Variants in KIAA0232 observed in about 807,000 individuals in gnomAD.
The protein encoded by KIAA0232 is uncharacterized protein KIAA0232.
Under a neutral mutation model 122.0 loss-of-function variants are expected in KIAA0232, and 27 were observed. The observed-to-expected ratio is 0.22, with a 90% CI of 0.16 to 0.31. The LOEUF is 0.31. KIAA0232 is among the 10% of genes least tolerant of loss of function. The probability of loss-of-function intolerance (pLI) is 1.00; values close to 1 mark genes in which losing one functional copy is unlikely to be tolerated. For synonymous variants in KIAA0232, 613 were observed against 587.6 expected (o/e 1.04, Z -0.63); for missense variants, 1,551 against 1,634.2 (o/e 0.95, Z 0.88).
At chr4:6,873,910 CACTT>C (rs1174693239) in intron 8 of KIAA0232, among the ~76,000 whole-genome samples, 1 of 152,128 alleles carries the variant, frequency 6.6e-6, no homozygotes, top group Non-Finnish European at 1.5e-5. Flanking sequence ...AACAGGTAGT[CACTT>C]ACCTACTCAG....
intron 1 of KIAA0232, among the ~76,000 whole-genome samples, chr4:6,791,343 T>TTG (rs1560158977): frequency 2.2e-5 from 3 of 134,466 alleles, no homozygotes; most frequent in Non-Finnish European, 4.7e-5. Flanking sequence ...TTTTTTTTTT[T>TTG]GAGACAGGGT....
intron 2 of KIAA0232, among the ~76,000 whole-genome samples, chr4:6,816,989 A>T (rs1718161298): frequency 6.6e-6 from 1 of 151,848 alleles, no homozygotes; most frequent in Non-Finnish European, 1.5e-5. Flanking sequence ...CTCTTTCCTG[A>T]TCAGTCTGGC....
chr4:6,875,585 C>T (rs752707976), intron 8 of KIAA0232, among the ~76,000 whole-genome samples: 2 of 152,136 alleles, frequency 1.3e-5, no homozygotes, highest in Non-Finnish European at 2.9e-5. Context: ...GGTAGAAGGG[C>T]GCAGCAGTCA....
intron 4 of KIAA0232, among the ~76,000 whole-genome samples, chr4:6,847,941 A>G (rs1008037907): frequency 6.6e-6 from 1 of 152,030 alleles, no homozygotes; most frequent in Non-Finnish European, 1.5e-5. Context: ...TTTATCTCCC[A>G]CTTTGAGGAT....
At chr4:6,876,841 CAT>C (rs1039998573) in intron 9 of KIAA0232, 84 bp downstream of exon 9, 13 of 921,850 alleles carry the variant, frequency 1.4e-5, no homozygotes, top group Non-Finnish European at 2.3e-5. Flanking sequence ...ACCTGGGAGT[CAT>C]GTGAGTGGAC....
intron 2 of KIAA0232, among the ~76,000 whole-genome samples, chr4:6,822,123 A>G (rs1297424657): frequency 6.6e-6 from 1 of 152,056 alleles, no homozygotes; most frequent in East Asian, 1.9e-4. Context: ...TATTTAATTG[A>G]CAATATCTCT....
chr4:6,792,730 C>T (rs538149524), intron 1 of KIAA0232, among the ~76,000 whole-genome samples: 2 of 142,284 alleles, frequency 1.4e-5, no homozygotes, highest in South Asian at 4.4e-4. Flanking sequence ...CACTCTGTTG[C>T]CCAGGCTGTA....
intron 4 of KIAA0232, among the ~76,000 whole-genome samples, chr4:6,845,445 G>A (rs559694148): frequency 6.1e-4 from 93 of 152,216 alleles, no homozygotes; most frequent in African/African-American, 2.0e-3. Flanking sequence ...ATCCTCCCGC[G>A]TCGGCCTCTC....
At chr4:6,813,597 T>C (rs547963931) in intron 2 of KIAA0232, among the ~76,000 whole-genome samples, 31 of 151,968 alleles carry the variant, frequency 2.0e-4, no homozygotes, top group Admixed American at 9.8e-4. Flanking sequence ...CTCCTGACCT[T>C]GTGATCCGCC....
intron 8 of KIAA0232, among the ~76,000 whole-genome samples, chr4:6,873,865 G>A (rs1721620673): frequency 6.6e-6 from 1 of 152,172 alleles, no homozygotes; most frequent in Non-Finnish European, 1.5e-5. Context: ...GCTTATGTGG[G>A]TTGGGGCATT....
intron 8 of KIAA0232, 53 bp downstream of exon 8, chr4:6,871,735 G>A: frequency 2.7e-6 from 3 of 1,103,484 alleles, no homozygotes; most frequent in Non-Finnish European, 2.7e-6. Context: ...AATTTGTTAA[G>A]AGCAATAATT....
rs771930576 is a variant in KIAA0232 at position 6,858,418 on chromosome 4, A to G, written c.437-7A>G. On this transcript the variant is annotated splice_polypyrimidine_tract_variant and splice_region_variant and intron_variant, in intron 5 of 9. Coordinates refer to ENST00000307659, the MANE Select transcript of KIAA0232 (RefSeq NM_014743.3). Reference sequence around the variant, plus strand: ...ACAAATCTTTCTTAATTTTTGTTTCATAACAGAAGAGAAGATTCACAAAAA... The same window carrying G: ...ACAAATCTTTCTTAATTTTTGTTTCGTAACAGAAGAGAAGATTCACAAAAA... 1.3e-6 allele frequency: 2 copies of G among 1,563,574 alleles called. No homozygotes were observed. Among genetic ancestry groups the G allele is most frequent in the South Asian group, 1.2e-5 (1 of 85,486 alleles).
intron 1 of KIAA0232, among the ~76,000 whole-genome samples, chr4:6,786,661 G>GT (rs1179059609): frequency 6.6e-6 from 1 of 152,114 alleles, no homozygotes; most frequent in African/African-American, 2.4e-5. Flanking sequence ...TAGAAATGTA[G>GT]TTTTACTATG....
intron 1 of KIAA0232, among the ~76,000 whole-genome samples, chr4:6,785,723 C>A (rs1047846170): frequency 6.6e-6 from 1 of 152,180 alleles, no homozygotes; most frequent in African/African-American, 2.4e-5. Context: ...TCTAAGACTG[C>A]CTGTGGTTTG....
Position 6,787,231 on chromosome 4 carries a change from C to G in KIAA0232, c.-354+4390C>G, listed in dbSNP as rs963880078. Reference sequence around the variant, plus strand: ...TATATTTGAAGTATAATTTAATTCCCAAGAGATTACATGCTTTTTCTTTAA... The same window carrying G: ...TATATTTGAAGTATAATTTAATTCCGAAGAGATTACATGCTTTTTCTTTAA... On this transcript the variant is annotated intron_variant, in intron 1 of 9. Coordinates refer to ENST00000307659, the MANE Select transcript of KIAA0232 (RefSeq NM_014743.3). 2.0e-5 allele frequency among the ~76,000 whole-genome samples: 3 copies of G among 149,472 alleles called. No homozygotes were observed. The East Asian group carries it at 5.8e-4, about 29-fold the overall frequency.
At chr4:6,830,194 A>C (rs1718891918) in intron 3 of KIAA0232, among the ~76,000 whole-genome samples, 1 of 152,074 alleles carries the variant, frequency 6.6e-6, no homozygotes, top group Non-Finnish European at 1.5e-5. Context: ...TCTTCCTTAC[A>C]CCATCCTGTT....
chr4:6,838,780 A>T (rs921814470), intron 3 of KIAA0232, among the ~76,000 whole-genome samples: 5 of 148,058 alleles, frequency 3.4e-5, no homozygotes, highest in African/African-American at 1.0e-4. Flanking sequence ...ATTGTTATAA[A>T]GGTTGCTTGA....
intron 4 of KIAA0232, among the ~76,000 whole-genome samples, chr4:6,849,096 T>C (rs1306994916): frequency 6.6e-6 from 1 of 152,208 alleles, no homozygotes; most frequent in Non-Finnish European, 1.5e-5. Flanking sequence ...GATCAGACCA[T>C]ACTGGTTGCT....
chr4:6,861,655 C>G lies in KIAA0232; in HGVS notation c.1273C>G (p.Arg425Gly). The G allele has an allele frequency of 6.2e-7, 1 of 1,613,950 alleles. No homozygotes were observed. Among genetic ancestry groups the G allele is most frequent in the Non-Finnish European group, 8.5e-7 (1 of 1,180,006 alleles). The change falls in exon 7 of 10, where the codon CGA becomes GGA. Residue 425 changes from arginine (R) to glycine (G), a missense_variant. Physicochemically the swap from Arg to Gly is moderately radical, Grantham distance 125 (BLOSUM62 -2). Around this residue, in one of 5 missense-constraint regions of KIAA0232, gnomAD observed 1,108 missense variants for 1,154.8 expected, o/e 0.96. Transcript: ENST00000307659. ...AAAAAGTAAACTAGAGACCACATAC[C>G]GAAACAGACAGGATACAAGTGATCT... ...SRKSKLETTY[R>G]NRQDTSDLTS...
Sources: gnomAD v4.1 joint callset for allele counts (sites outside exome capture counted in the v4.1 genomes callset) on GRCh38, gnomAD v4.1.1 for gene constraint, gnomAD v4.1.1 regional missense constraint, MANE v1.5 for transcripts, NCBI Gene and HGNC (gene_info 2026-07-23, HGNC 2026-07-21) for gene names.